PDCD6: variants seen among roughly 807,000 people sequenced by gnomAD.
The protein encoded by PDCD6 is programmed cell death protein 6.
In PDCD6, 12 loss-of-function variants were observed where a neutral mutation model predicts 28.3. That is an observed-to-expected ratio of 0.42 (90% CI 0.27 to 0.69). The LOEUF is 0.69. Among genes scored for constraint, PDCD6 ranks in the 30% least tolerant of loss-of-function variants. The pLI, the probability that PDCD6 is intolerant of heterozygous loss-of-function variation, is 0.22. For synonymous variants in PDCD6, 92 were observed against 108.0 expected (o/e 0.85, Z 0.92); for missense variants, 226 against 269.9 (o/e 0.84, Z 1.14).
In PDCD6 at chr5:272,770, A is replaced by G. The variant is rs752099329; in HGVS notation, c.161A>G (p.Asn54Ser). ...ACCGAGCTTCAGCAAGCTCTCTCCA[A>G]CGGTGAGTGGGCCAGTGGGAACTGG... ...SDTELQQALS[N>S]GTWTPFNPVT... The change falls in exon 2 of 6, where the codon AAC becomes AGC. Residue 54 changes from asparagine to serine, a missense_variant and splice_region_variant. By Grantham distance (46) the Asn-to-Ser change is conservative (BLOSUM62 1). Around this residue, in one of 3 missense-constraint regions of PDCD6, gnomAD observed 72 missense variants for 71.4 expected, o/e 1.01. Coordinates refer to ENST00000264933, the MANE Select transcript of PDCD6 (RefSeq NM_013232.4). 12 of 1,584,826 alleles carry G rather than the reference A, an allele frequency of 7.6e-6. No homozygotes were observed. The highest frequency in any genetic ancestry group is 1.0e-5 in the Non-Finnish European group (12 of 1,172,034).
rs542188646 is a variant in PDCD6, at chr5:299,852, AT to A, written c.164-4314del. ...GCGCCAGCCACCGCGCCCAGCTGGT[AT>A]TTTTTTTTTTATTTTTTTATCAAAT... is the stretch of plus-strand genomic sequence containing the variant. On this transcript the variant is annotated intron_variant, in intron 2 of 5. Coordinates refer to ENST00000264933, the MANE Select transcript of PDCD6 (RefSeq NM_013232.4). Among the ~76,000 whole-genome samples, 600 of 149,434 alleles carry A rather than the reference AT, an allele frequency of 4.0e-3. 3 individuals carry two copies. The highest frequency in any genetic ancestry group is 0.014 in the Middle Eastern group (4 of 288).
At position 309,574 on chromosome 5, in the gene PDCD6, TGCACCCCA is replaced by T. The variant is rs1560863881; in HGVS notation, c.368-1717_368-1710del. ...AGACCAGTAATGACCTCTGTCCCCGTGCACCCCAGTGATGGCCGCCGTCCCCGTGCACC... is the reference window on the plus strand; with the variant it reads ...AGACCAGTAATGACCTCTGTCCCCGTGTGATGGCCGCCGTCCCCGTGCACC... On this transcript the variant is annotated intron_variant, in intron 4 of 5. Transcript: ENST00000264933. The T allele has an allele frequency of 4.5e-3, 1,078 of 240,084 alleles. 135 individuals carry two copies. The highest frequency in any genetic ancestry group is 0.024 in the African/African-American group (972 of 40,702). 14.9% of individuals were successfully genotyped at this position (240,084 alleles called of 1,614,324 possible).
At chr5:279,205 C>T (rs1374676654) in intron 2 of PDCD6, among the ~76,000 whole-genome samples, 1 of 151,762 alleles carries the variant, frequency 6.6e-6, no homozygotes, top group Non-Finnish European at 1.5e-5. Flanking sequence ...TCATTCCCCC[C>T]TAAGAGTATG....
intron 2 of PDCD6, among the ~76,000 whole-genome samples, chr5:298,294 G>A (rs1351610077): frequency 5.9e-5 from 9 of 152,042 alleles, no homozygotes; most frequent in Non-Finnish European, 1.2e-4. Flanking sequence ...TTTTCCAGGT[G>A]CCATGGACCT....
At chr5:275,445 T>C (rs557426790) in intron 2 of PDCD6, among the ~76,000 whole-genome samples, 1 of 152,362 alleles carries the variant, frequency 6.6e-6, no homozygotes, top group African/African-American at 2.4e-5. Flanking sequence ...GGCCGTTCTG[T>C]TTTGTTTGCA....
chr5:278,422 A>G (rs1738341547), intron 2 of PDCD6, among the ~76,000 whole-genome samples: 1 of 151,956 alleles, frequency 6.6e-6, no homozygotes, highest in Non-Finnish European at 1.5e-5. Context: ...AGAGAAAAAT[A>G]AAGCAGGCTG....
intron 2 of PDCD6, among the ~76,000 whole-genome samples, chr5:295,178 C>T (rs1442098569): frequency 6.6e-6 from 1 of 151,608 alleles, no homozygotes; most frequent in Non-Finnish European, 1.5e-5. Context: ...GTGTCACCTC[C>T]ATGAAACAAA....
intron 1 of PDCD6, among the ~76,000 whole-genome samples, 189 bp downstream of exon 1, chr5:272,010 G>C (rs1284880449): frequency 6.3e-5 from 9 of 142,226 alleles, no homozygotes; most frequent in Admixed American, 6.3e-4. Flanking sequence ...CGACGCGGCC[G>C]CCCCCGTCCC....
chr5:286,679 A>G (rs1046651400), intron 2 of PDCD6, among the ~76,000 whole-genome samples: 3 of 151,410 alleles, frequency 2.0e-5, no homozygotes, highest in African/African-American at 7.3e-5. Flanking sequence ...TTCCCGTTGG[A>G]GAGCCGTGCA....
At position 299,260 on chromosome 5, in the gene PDCD6, C is replaced by G. The variant is rs368667161; in HGVS notation, c.164-4917C>G. Among the ~76,000 whole-genome samples the G allele has an allele frequency of 3.3e-3, 338 of 103,606 alleles. 5 individuals carry two copies. The highest frequency in any genetic ancestry group is 0.014 in the African/African-American group (331 of 22,984). 68.0% of individuals were successfully genotyped at this position (103,606 alleles called of 152,430 possible). ...CGCTGCTCCCCCCCAGCTGTTCCCC[C>G]CCAGCTGTTCTCAGGTTTCTCATCC... On this transcript the variant is annotated intron_variant, in intron 2 of 5. Transcript: ENST00000264933.
chr5:301,885 T>G (rs1055601137), intron 2 of PDCD6, among the ~76,000 whole-genome samples: 2 of 150,398 alleles, frequency 1.3e-5, no homozygotes, highest in South Asian at 4.2e-4. Context: ...CTGCTGTGTG[T>G]GTATGCCTCA....
intron 2 of PDCD6, among the ~76,000 whole-genome samples, chr5:287,081 T>G (rs1739017261): frequency 6.6e-6 from 1 of 151,628 alleles, no homozygotes; most frequent in South Asian, 2.1e-4. Context: ...TAGTTGAGGG[T>G]CGTGGAGCTG....
At chr5:297,801 T>C (rs1351896422) in intron 2 of PDCD6, among the ~76,000 whole-genome samples, 2 of 152,216 alleles carry the variant, frequency 1.3e-5, no homozygotes, top group African/African-American at 4.8e-5. Context: ...GCAAAGACTT[T>C]AGAAGTCATC....
At chr5:283,025 A>G (rs1738688587) in intron 2 of PDCD6, among the ~76,000 whole-genome samples, 1 of 151,864 alleles carries the variant, frequency 6.6e-6, no homozygotes, top group Admixed American at 6.6e-5. Flanking sequence ...ACAGCTGAAG[A>G]CTTGGGGAGG....
Position 307,030 on chromosome 5 carries a change from G to C in PDCD6, c.367+270G>C, listed in dbSNP as rs899664753. ...GTGGAATGATGTCGTGAGCAAAACTGAGAATGTGGCTTTTGAAATCATTTA... is the reference window on the plus strand; with the variant it reads ...GTGGAATGATGTCGTGAGCAAAACTCAGAATGTGGCTTTTGAAATCATTTA... On this transcript the variant is annotated intron_variant, in intron 4 of 5. Transcript: ENST00000264933. The surrounding 1 kb of genome is among the most constrained non-coding windows in gnomAD (Gnocchi z 6.1). Among the ~76,000 whole-genome samples the C allele has an allele frequency of 9.2e-5, 14 of 152,332 alleles. No homozygotes were observed. The highest frequency in any genetic ancestry group is 9.1e-4 in the Admixed American group (14 of 15,304).
At chr5:291,851 G>A (rs1278279348) in intron 2 of PDCD6, among the ~76,000 whole-genome samples, 1 of 152,214 alleles carries the variant, frequency 6.6e-6, no homozygotes, top group African/African-American at 2.4e-5. Context: ...TGTTTTGTTG[G>A]GAACGTTCTT....
At chr5:274,492 A>G (rs1392442590) in intron 2 of PDCD6, among the ~76,000 whole-genome samples, 4 of 152,158 alleles carry the variant, frequency 2.6e-5, no homozygotes, top group African/African-American at 7.2e-5. Context: ...GTATTGAGGA[A>G]ATGCATGCGA....
At chr5:310,567 G>C (rs1579555186) in intron 4 of PDCD6, 1 of 152,346 alleles carries the variant, frequency 6.6e-6, no homozygotes, top group Non-Finnish European at 1.5e-5. Context: ...CATGCCCTCC[G>C]GGGTGCCCGA....
chr5:285,356 G>A (rs528314501), intron 2 of PDCD6, among the ~76,000 whole-genome samples: 1 of 151,916 alleles, frequency 6.6e-6, no homozygotes, highest in South Asian at 2.1e-4. Context: ...GCAGTTTGAG[G>A]GCTGTGCGCC....
Sources: gnomAD v4.1 joint callset for allele counts (sites outside exome capture counted in the v4.1 genomes callset) on GRCh38, gnomAD v4.1.1 for gene constraint, gnomAD v4.1.1 regional missense constraint, Gnocchi (gnomAD v3.1) non-coding constraint, MANE v1.5 for transcripts, NCBI Gene and HGNC (gene_info 2026-07-23, HGNC 2026-07-21) for gene names.